Variants in KMT2C observed in about 807,000 individuals in gnomAD.
The protein encoded by KMT2C is histone-lysine N-methyltransferase 2C.
Under a neutral mutation model 507.9 loss-of-function variants are expected in KMT2C, and 88 were observed. The ratio of observed to expected loss-of-function variants is 0.17; its 90% CI spans 0.15 to 0.21. The LOEUF is 0.21. Ranked by LOEUF, KMT2C falls within the 10% of genes least tolerant of loss-of-function variation. The probability of loss-of-function intolerance (pLI) is 1.00; values close to 1 mark genes in which losing one functional copy is unlikely to be tolerated. For synonymous variants in KMT2C, 2,049 were observed against 2,080.8 expected (o/e 0.98, Z 0.42); for missense variants, 4,954 against 5,957.8 (o/e 0.83, Z 5.55).
At position 152,303,950 on chromosome 7, in the gene KMT2C, T is replaced by C. The variant is rs146304805; in HGVS notation, c.849+6016A>G. Reference sequence around the variant, plus strand: ...GTGCAGTAAACTGAGATTGCGCCACTGCAATCTCAGCCTAGGAGACAGAGA... The same window carrying C: ...GTGCAGTAAACTGAGATTGCGCCACCGCAATCTCAGCCTAGGAGACAGAGA... On this transcript the variant is annotated intron_variant, in intron 6 of 58. Transcript: ENST00000262189. Among the ~76,000 whole-genome samples, 266 of 152,118 alleles carry C rather than the reference T, an allele frequency of 1.7e-3. 1 individual carries two copies. Among genetic ancestry groups the C allele is most frequent in the African/African-American group, 5.9e-3 (244 of 41,520 alleles).
At position 152,361,996 on chromosome 7, in the gene KMT2C, ACT is replaced by A. The variant is rs558975068; in HGVS notation, c.162-3323_162-3322del. On this transcript the variant is annotated intron_variant, in intron 1 of 58. Coordinates refer to ENST00000262189, the MANE Select transcript of KMT2C (RefSeq NM_170606.3). ...CTCTATCAATCTTCCTTTGTGTCTGACTCTGTTCAAACACAGTGGATACAGAA... is the reference window on the plus strand; with the variant it reads ...CTCTATCAATCTTCCTTTGTGTCTGACTGTTCAAACACAGTGGATACAGAA... Among the ~76,000 whole-genome samples the A allele has an allele frequency of 2.6e-3, 395 of 152,282 alleles. 1 individual carries two copies. Among genetic ancestry groups the A allele is most frequent in the Non-Finnish European group, 3.2e-3 (218 of 68,022 alleles).
chr7:152,144,599 C>T lies in KMT2C; in HGVS notation c.14343+114G>A, dbSNP rs190147548. 1.9e-6 allele frequency: 2 copies of T among 1,031,940 alleles called. No homozygotes were observed. The highest frequency in any genetic ancestry group is 1.4e-6 in the Non-Finnish European group (1 of 694,244). 63.9% of individuals were successfully genotyped at this position (1,031,940 alleles called of 1,614,324 possible). ...AGGATTTGATACGATTTTGAAAACACGTTTCTGTCCCTGCAGCTATGTGAA... is the reference window on the plus strand; with the variant it reads ...AGGATTTGATACGATTTTGAAAACATGTTTCTGTCCCTGCAGCTATGTGAA... On this transcript the variant is annotated intron_variant, in intron 55 of 58. Transcript: ENST00000262189. The surrounding 1 kb of genome is among the most constrained non-coding windows in gnomAD (Gnocchi z 4.4).
At chr7:152,330,891 A>T in intron 2 of KMT2C, 152 bp from the exon 3 acceptor site, 1 of 682,454 alleles carries the variant, frequency 1.5e-6, no homozygotes, top group Non-Finnish European at 2.5e-6. Context: ...GCACGTAATT[A>T]GTGGTATTGT....
In KMT2C at chr7:152,248,127, T is replaced by A. The variant is rs1342613386; in HGVS notation, c.2307A>T (p.Ser769=). Residue 769 remains serine, a synonymous_variant, in exon 14 of 59, where the codon TCA becomes TCT. Coordinates refer to ENST00000262189, the MANE Select transcript of KMT2C (RefSeq NM_170606.3). ...TGCTTATGTCTGCTGATGATGAAAA[T>A]GATGACTCTGTCTCAGATGATAACT... ...SIKLSSETES[S]FSSSADISKA... is the part of the protein sequence containing the mutation. The A allele has an allele frequency of 1.2e-6, 2 of 1,614,226 alleles. No homozygotes were observed. Among genetic ancestry groups the A allele is most frequent in the Non-Finnish European group, 1.7e-6 (2 of 1,180,008 alleles).
Position 152,376,042 on chromosome 7 carries a change from C to T in KMT2C, c.162-17367G>A, listed in dbSNP as rs1031089770. On this transcript the variant is annotated intron_variant, in intron 1 of 58. Coordinates refer to ENST00000262189, the MANE Select transcript of KMT2C (RefSeq NM_170606.3). Reference sequence around the variant, plus strand: ...TGCTCAGGCTAGTCTCAAACTCAAGCGATCCTCCTGCCTTGGCCTCCCAAA... The same window carrying T: ...TGCTCAGGCTAGTCTCAAACTCAAGTGATCCTCCTGCCTTGGCCTCCCAAA... Among the ~76,000 whole-genome samples the T allele has an allele frequency of 5.9e-5, 9 of 151,884 alleles. No individual in the cohort carries two copies. In the East Asian group the frequency reaches 1.4e-3, roughly 23 times the overall value.
At chr7:152,149,661 G>A (rs1182621045) in intron 51 of KMT2C, among the ~76,000 whole-genome samples, 1 of 152,160 alleles carries the variant, frequency 6.6e-6, no homozygotes, top group Non-Finnish European at 1.5e-5. Context: ...AGAAAGGGAA[G>A]GAGCCCCTGT....
chr7:152,167,453 G>T, intron 41 of KMT2C, 75 bp from the exon 42 acceptor site: 1 of 992,600 alleles, frequency 1.0e-6, no homozygotes, highest in Non-Finnish European at 1.5e-6. Flanking sequence ...AATCTATTTT[G>T]TAAGGAAGTA....
intron 2 of KMT2C, among the ~76,000 whole-genome samples, chr7:152,352,709 T>G (rs1031921148): frequency 6.6e-6 from 1 of 152,184 alleles, no homozygotes; most frequent in African/African-American, 2.4e-5. Context: ...GAGCCTAAAT[T>G]TTTGTCCCTA....
chr7:152,178,015 T>TAAAAAAAA lies in KMT2C; in HGVS notation c.7443-13_7443-6dup, dbSNP rs746018833. 6.0e-5 allele frequency: 49 copies of TAAAAAAAA among 811,024 alleles called. No individual in the cohort carries two copies. The highest frequency in any genetic ancestry group is 5.5e-4 in the East Asian group (8 of 14,516). The allele number at this position is 811,024 out of a possible 1,614,324, so 50.2% of individuals were successfully genotyped here. ...CTACCTCCTGGAAATCCAAATCTTT[T>TAAAAAAAA]AAAAAAAAAAAAAAAAAAAAAAAAA... is the stretch of plus-strand genomic sequence containing the variant. On this transcript the variant is annotated splice_polypyrimidine_tract_variant and splice_region_variant and intron_variant, in intron 37 of 58. Coordinates refer to ENST00000262189, the MANE Select transcript of KMT2C (RefSeq NM_170606.3).
Position 152,139,284 on chromosome 7 carries a change from T to A in KMT2C, c.14461-25A>T, listed in dbSNP as rs145392647. 8.5e-5 allele frequency: 136 copies of A among 1,607,538 alleles called. No homozygotes were observed. In the East Asian group the frequency reaches 2.6e-3, roughly 31 times the overall value. On this transcript the variant is annotated intron_variant, in intron 56 of 58. Transcript: ENST00000262189. Reference sequence around the variant, plus strand: ...TCTGAGGGAAAAGTCAGTCAGTAAGTCATCAATGTCGACCTGAAACTCCCC... The same window carrying A: ...TCTGAGGGAAAAGTCAGTCAGTAAGACATCAATGTCGACCTGAAACTCCCC...
intron 54 of KMT2C, 115 bp downstream of exon 54, chr7:152,145,037 TG>T: frequency 1.4e-6 from 2 of 1,401,618 alleles, no homozygotes; most frequent in African/African-American, 2.9e-5. Flanking sequence ...CTTATGTAGT[TG>T]GGCACATACA....
At chr7:152,159,101 A>C (rs1405129274) in intron 43 of KMT2C, 29 bp from the exon 44 acceptor site, 1 of 1,601,560 alleles carries the variant, frequency 6.2e-7, no homozygotes, top group Non-Finnish European at 8.6e-7. Flanking sequence ...GTAAAAAATA[A>C]GTGAACAATT....
At chr7:152,414,804 T>C (rs1236736245) in intron 1 of KMT2C, among the ~76,000 whole-genome samples, 1 of 151,976 alleles carries the variant, frequency 6.6e-6, no homozygotes, top group African/African-American at 2.4e-5. Flanking sequence ...CCTTAACTAT[T>C]TTTCATTAAG....
Position 152,177,385 on chromosome 7 carries a change from C to T in KMT2C, c.8068G>A (p.Asp2690Asn), listed in dbSNP as rs2129114720. ...TCCTTCACAGAAGGGTCATCAGAAT[C>T]AAGTTTTTCCTCTAGACCATCAGAA... is the stretch of plus-strand genomic sequence containing the variant. ...QPSDGLEEKL[D>N]SDDPSVKELD... The change falls in exon 38 of 59, where the codon GAT becomes AAT. Residue 2690 changes from aspartate (D) to asparagine (N), a missense_variant. Physicochemically the swap from Asp to Asn is conservative, Grantham distance 23. This residue lies in a region of KMT2C where 1,689 missense variants were observed against 1,654.3 expected (regional missense o/e 1.02). Transcript: ENST00000262189. 6.2e-7 allele frequency: 1 copy of T among 1,614,224 alleles called. No homozygotes were observed. The highest frequency in any genetic ancestry group is 1.1e-5 in the South Asian group (1 of 91,076).
intron 48 of KMT2C, among the ~76,000 whole-genome samples, 164 bp downstream of exon 48, chr7:152,153,843 CGAT>C (rs2091847898): frequency 6.6e-6 from 1 of 151,948 alleles, no homozygotes; most frequent in Admixed American, 6.6e-5. Context: ...CAATGACAAA[CGAT>C]GGCACTCAAA....
chr7:152,196,737 G>A (rs1351916336), intron 27 of KMT2C, among the ~76,000 whole-genome samples: 1 of 152,174 alleles, frequency 6.6e-6, no homozygotes, highest in African/African-American at 2.4e-5. Flanking sequence ...ATTAGACAGA[G>A]TGGTCTATGA....
chr7:152,434,616 C>T (rs1372227345), intron 1 of KMT2C, among the ~76,000 whole-genome samples: 1 of 152,216 alleles, frequency 6.6e-6, no homozygotes, highest in Non-Finnish European at 1.5e-5. Flanking sequence ...AGCACACACG[C>T]CATTCTACAA....
rs369166422 is a variant in KMT2C at position 152,162,914 on chromosome 7, G to T, written c.10663C>A (p.Pro3555Thr). The change falls in exon 43 of 59, where the codon CCT becomes ACT. Residue 3555 changes from proline (P) to threonine (T), a missense_variant. Transcript: ENST00000262189. ...ACTGGAGGTGCTGCTGGTAAAGCAG[G>T]TGTAAAAGAAGGCCTCACTGGGGAC... Reference protein sequence around the residue: ...QQSPVRPSFTPALPAAPPVAN... With the variant: ...QQSPVRPSFTTALPAAPPVAN... 9.3e-6 allele frequency: 15 copies of T among 1,614,092 alleles called. No homozygotes were observed. The highest frequency in any genetic ancestry group is 8.3e-5 in the Admixed American group (5 of 60,000).
At chr7:152,185,019 A>C (rs567869995) in intron 34 of KMT2C, among the ~76,000 whole-genome samples, 1 of 152,282 alleles carries the variant, frequency 6.6e-6, no homozygotes, top group African/African-American at 2.4e-5. Context: ...GGCCTCTCAA[A>C]CTGCTGGGAT....
Sources: gnomAD v4.1 joint callset for allele counts (sites outside exome capture counted in the v4.1 genomes callset) on GRCh38, gnomAD v4.1.1 for gene constraint, gnomAD v4.1.1 regional missense constraint, Gnocchi (gnomAD v3.1) non-coding constraint, MANE v1.5 for transcripts, NCBI Gene and HGNC (gene_info 2026-07-23, HGNC 2026-07-21) for gene names.